EIF3L: variants seen among roughly 807,000 people sequenced by gnomAD.
EIF3L encodes the protein eIEF associated protein HSPC021.
In EIF3L, 32 loss-of-function variants were observed where a neutral mutation model predicts 74.6. The ratio of observed to expected loss-of-function variants is 0.43; its 90% confidence interval spans 0.32 to 0.58. The LOEUF is 0.58. Ranked by LOEUF, EIF3L falls within the 20% of genes least tolerant of loss-of-function variation. EIF3L has a pLI of 0.06. For synonymous variants in EIF3L, 256 were observed against 254.4 expected, an observed-to-expected ratio of 1.01 and a Z score of -0.06; for missense variants, 474 against 707.8, an observed-to-expected ratio of 0.67 and a Z score of 3.75.
At chr22:37,881,379 CGCTGATGA>C in intron 11 of EIF3L, 1 of 152,164 alleles carries the variant, frequency 6.6e-6, no homozygotes, top group East Asian at 1.9e-4. Flanking sequence ...GGACTACAGG[CGCTGATGA>C]GCTGATGAGG....
chr22:37,868,202 C>A (rs1347950483), intron 7 of EIF3L, among the ~76,000 whole-genome samples: 1 of 147,528 alleles, frequency 6.8e-6, no homozygotes, highest in South Asian at 2.2e-4. Flanking sequence ...GCAGTCTCCA[C>A]CTCCTGTGTT....
intron 1 of EIF3L, 135 bp from the exon 2 acceptor site, chr22:37,849,880 G>A: frequency 2.2e-6 from 2 of 894,556 alleles, no homozygotes. Context: ...TAAGGCGTGT[G>A]AGTTCCTCAA....
intron 3 of EIF3L, among the ~76,000 whole-genome samples, chr22:37,852,617 G>A (rs1453125493): frequency 6.6e-6 from 1 of 152,058 alleles, no homozygotes; most frequent in Non-Finnish European, 1.5e-5. Flanking sequence ...TCTGACATGT[G>A]TTTTCTTTTT....
At chr22:37,858,763 T>G in intron 5 of EIF3L, 23 bp downstream of exon 5, 1 of 1,581,190 alleles carries the variant, frequency 6.3e-7, no homozygotes, top group South Asian at 1.2e-5. Flanking sequence ...GTGTCGCAGT[T>G]TTTTTTTTGT....
chr22:37,868,918 A>G (rs1397251531), intron 7 of EIF3L, among the ~76,000 whole-genome samples: 1 of 151,866 alleles, frequency 6.6e-6, no homozygotes, highest in African/African-American at 2.4e-5. Context: ...CTGGGATTAC[A>G]GGCATGAGCC....
At chr22:37,855,467 T>A (rs559081970) in intron 3 of EIF3L, 98 bp from the exon 4 acceptor site, 2 of 1,076,342 alleles carry the variant, frequency 1.9e-6, no homozygotes, top group Non-Finnish European at 1.4e-6. Flanking sequence ...TTATTTGACA[T>A]CTTCCCCTTT....
At chr22:37,869,954 T>C (rs1926384035) in intron 7 of EIF3L, among the ~76,000 whole-genome samples, 1 of 152,184 alleles carries the variant, frequency 6.6e-6, no homozygotes, top group South Asian at 2.1e-4. Context: ...AGATTTTTAC[T>C]TCACTGTGTA....
rs777950587 is a variant in EIF3L, at chr22:37,849,476, G to C, written c.27G>C (p.Glu9Asp). Residue 9 changes from glutamate to aspartate, a missense_variant, in exon 1 of 13, where the codon GAG (glutamate) becomes GAC (aspartate). Glu to Asp is a conservative substitution (Grantham distance 45, BLOSUM62 2). Coordinates refer to ENST00000652021, the MANE Select transcript of EIF3L (RefSeq NM_016091.4). ...TGTCTTATCCCGCTGATGATTATGA[G>C]TCTGAGGTAAGGTGGCCGTAAGGGC... is the stretch of plus-strand genomic sequence containing the variant. MSYPADDY[E>D]SEAAYDPYAY... 2 of 1,606,992 alleles carry C rather than the reference G, an allele frequency of 1.2e-6. No individual in the cohort carries two copies. The highest frequency in any genetic ancestry group is 1.7e-6 in the Non-Finnish European group (2 of 1,175,410).
Position 37,863,349 on chromosome 22 carries a change from T to A in EIF3L, c.579+4T>A, listed in dbSNP as rs1284790979. 13 of 1,607,750 alleles carry A rather than the reference T, an allele frequency of 8.1e-6. No homozygotes were observed. Among genetic ancestry groups the A allele is most frequent in the Non-Finnish European group, 1.1e-5 (13 of 1,175,584 alleles). On this transcript the variant is annotated splice_donor_region_variant and intron_variant, in intron 7 of 12. Coordinates refer to ENST00000652021, the MANE Select transcript of EIF3L (RefSeq NM_016091.4). ...TATCGATGAGTTCATCTACCAGGTA[T>A]CTGGTCAGCTTCAGCCTAATTTGAA...
intron 11 of EIF3L, chr22:37,880,969 G>A (rs1927018641): frequency 6.6e-6 from 1 of 152,208 alleles, no homozygotes; most frequent in Non-Finnish European, 1.5e-5. Context: ...ATCTGCTGTT[G>A]TTATTGTACT....
chr22:37,886,779 C>T lies in EIF3L; in HGVS notation c.1590C>T (p.Ile530=), dbSNP rs369820470. The T allele has an allele frequency of 5.0e-5, 80 of 1,610,060 alleles. 1 individual carries two copies. In the South Asian group the frequency reaches 6.0e-4, roughly 12 times the overall value. ...TTCCCCCACAGGACATGATCCACAT[C>T]GCGGACACCAAGGTCGCCAGGCGTT... is the stretch of plus-strand genomic sequence containing the variant. ...DFYIDKDMIH[I]ADTKVARRYG... is the part of the protein sequence containing the mutation. The change falls in exon 12 of 13, where the codon ATC becomes ATT. Residue 530 remains isoleucine, a synonymous_variant. Transcript: ENST00000652021.
At chr22:37,881,862 T>A (rs996542587) in intron 11 of EIF3L, 7 of 152,214 alleles carry the variant, frequency 4.6e-5, no homozygotes, top group Admixed American at 6.6e-5. Context: ...CCTGCATTTT[T>A]AATTGTTTTT....
intron 10 of EIF3L, 164 bp downstream of exon 10, chr22:37,876,175 G>C: frequency 1.4e-6 from 1 of 696,306 alleles, no homozygotes; most frequent in East Asian, 2.9e-5. Flanking sequence ...AGATCACCCA[G>C]CTGGAGTGCA....
At chr22:37,858,545 T>TG (rs1925666877) in intron 4 of EIF3L, 134 bp from the exon 5 acceptor site, 6 of 757,460 alleles carry the variant, frequency 7.9e-6, no homozygotes, top group African/African-American at 1.8e-5. Flanking sequence ...CATGTATTCT[T>TG]GGGGCATATG....
chr22:37,855,666 C>G, intron 4 of EIF3L, 22 bp downstream of exon 4: 1 of 1,603,792 alleles, frequency 6.2e-7, no homozygotes, highest in Non-Finnish European at 8.5e-7. Flanking sequence ...CTCTTTATAT[C>G]TTGTGCACTG....
rs77828771 is a variant in EIF3L, at chr22:37,872,843, C to A, written c.752-1527C>A. ...GTCTCACTTTGTTGCCCAGGCCAATCTTGAACTCATGGGATTTCATGTGTG... is the reference window on the plus strand; with the variant it reads ...GTCTCACTTTGTTGCCCAGGCCAATATTGAACTCATGGGATTTCATGTGTG... On this transcript the variant is annotated intron_variant, in intron 8 of 12. Coordinates refer to ENST00000652021, the MANE Select transcript of EIF3L (RefSeq NM_016091.4). 1.3e-3 allele frequency among the ~76,000 whole-genome samples: 204 copies of A among 151,846 alleles called. 1 individual carries two copies. Among genetic ancestry groups the A allele is most frequent in the Non-Finnish European group, 1.9e-3 (131 of 67,974 alleles).
intron 4 of EIF3L, 44 bp from the exon 5 acceptor site, chr22:37,858,635 C>G: frequency 6.4e-7 from 1 of 1,570,930 alleles, no homozygotes. Flanking sequence ...CCAGGATACC[C>G]CAGTTTTATG....
rs1925940579 is a variant in EIF3L at position 37,863,007 on chromosome 22, C to A, written c.474C>A (p.Tyr158Ter). 3 of 1,613,362 alleles carry A rather than the reference C, an allele frequency of 1.9e-6. No homozygotes were observed. Among genetic ancestry groups the A allele is most frequent in the Non-Finnish European group, 2.5e-6 (3 of 1,179,808 alleles). ...TGGAGCAGAGGTTTGAATCCTATTA[C>A]AACTACTGCAATCTCTTCAACTACA... ...PSLEQRFESY[Y>*]NYCNLFNYIL... The change falls in exon 6 of 13, where the codon TAC (tyrosine) becomes TAA (stop). Residue 158 changes from tyrosine to a stop codon, truncating the protein, a stop_gained. Transcript: ENST00000652021. LOFTEE classifies it high-confidence loss of function.
intron 9 of EIF3L, among the ~76,000 whole-genome samples, chr22:37,874,777 G>A (rs1480873343): frequency 2.0e-5 from 3 of 152,074 alleles, no homozygotes; most frequent in African/African-American, 7.2e-5. Context: ...TCACCAGGCT[G>A]GAGTGCAGTG....
Sources: gnomAD v4.1 joint callset for allele counts (sites outside exome capture counted in the v4.1 genomes callset) on GRCh38, gnomAD v4.1.1 for gene constraint, MANE v1.5 for transcripts, NCBI Gene and HGNC (gene_info 2026-07-23, HGNC 2026-07-21) for gene names.